MICU2: variants seen among roughly 807,000 people sequenced by gnomAD.
MICU2 encodes mitochondrial calcium uptake 2, also known as calcium uptake protein 2, mitochondrial.
A neutral mutation model predicts 60.4 loss-of-function variants in MICU2; 64 were observed. That is an observed-to-expected ratio of 1.06 (90% confidence interval 0.87 to 1.31). The LOEUF is 1.31. Among genes scored for constraint, MICU2 ranks in the 50% most tolerant of loss-of-function variants. The pLI, the probability that MICU2 is intolerant of heterozygous loss-of-function variation, is 0.00. For missense variants in MICU2, 569 were observed against 531.0 expected, an observed-to-expected ratio of 1.07 and a Z score of -0.70; for synonymous variants, 201 against 175.0, an observed-to-expected ratio of 1.15 and a Z score of -1.17.
chr13:21,549,143 A>G (rs1488090075), intron 2 of MICU2, among the ~76,000 whole-genome samples: 1 of 151,590 alleles, frequency 6.6e-6, no homozygotes, highest in Non-Finnish European at 1.5e-5. Flanking sequence ...GTTAGCCAGG[A>G]TGGTCTTGAT....
At position 21,515,857 on chromosome 13, in the gene MICU2, CT is replaced by C. The variant is rs141178668; in HGVS notation, c.598-1440del. Among the ~76,000 whole-genome samples, 740 of 152,212 alleles carry C rather than the reference CT, an allele frequency of 4.9e-3. 9 individuals carry two copies. Among genetic ancestry groups the C allele is most frequent in the African/African-American group, 0.017 (686 of 41,544 alleles). ...TATTTTTGGGAAAAAAGTTAAAAAG[CT>C]TTATATTTATTTTACCTTTTATTTT... On this transcript the variant is annotated intron_variant, in intron 6 of 11. Coordinates refer to ENST00000382374, the MANE Select transcript of MICU2 (RefSeq NM_152726.3).
At chr13:21,537,063 C>T (rs1461863706) in intron 4 of MICU2, among the ~76,000 whole-genome samples, 1 of 152,158 alleles carries the variant, frequency 6.6e-6, no homozygotes, top group East Asian at 1.9e-4. Context: ...TCTCTCTAGG[C>T]TTTTTTCTAT....
At position 21,503,117 on chromosome 13, in the gene MICU2, A is replaced by T; in HGVS notation, c.762-20T>A. On this transcript the variant is annotated intron_variant, in intron 8 of 11. Coordinates refer to ENST00000382374, the MANE Select transcript of MICU2 (RefSeq NM_152726.3). Reference sequence around the variant, plus strand: ...ATAAATCTGAATGTTAAAATACAAAATTAGTAAGGTAACTAGTGGCATTCA... The same window carrying T: ...ATAAATCTGAATGTTAAAATACAAATTTAGTAAGGTAACTAGTGGCATTCA... The T allele has an allele frequency of 6.4e-7, 1 of 1,557,500 alleles. No homozygotes were observed. Among genetic ancestry groups the T allele is most frequent in the Non-Finnish European group, 8.7e-7 (1 of 1,144,622 alleles).
chr13:21,524,733 C>A (rs919222705), intron 4 of MICU2, among the ~76,000 whole-genome samples: 2 of 152,204 alleles, frequency 1.3e-5, no homozygotes, highest in African/African-American at 4.8e-5. Context: ...TCATGCTAAA[C>A]AGAAACACTG....
At position 21,517,787 on chromosome 13, in the gene MICU2, ACACACACACACACGCG is replaced by A. The variant is rs1053872463; in HGVS notation, c.598-3385_598-3370del. Among the ~76,000 whole-genome samples the A allele has an allele frequency of 2.1e-4, 20 of 95,180 alleles. No homozygotes were observed. In the East Asian group the frequency reaches 4.1e-3, roughly 20 times the overall value. 62.4% of individuals were successfully genotyped at this position (95,180 alleles called of 152,430 possible). ...AGAGCGAGGACACACACACACACAC[ACACACACACACACGCG>A]CGCGCGCGCGCACACGCGCTACATA... On this transcript the variant is annotated intron_variant, in intron 6 of 11. Transcript: ENST00000382374.
chr13:21,493,512 G>A (rs79675170), intron 11 of MICU2, among the ~76,000 whole-genome samples, 159 bp from the exon 12 acceptor site: 7,332 of 152,162 alleles, frequency 0.048, 585 homozygotes, highest in African/African-American at 0.17. Flanking sequence ...ACTGAAAATG[G>A]GGGTAAAAGA....
chr13:21,534,544 T>A (rs1887087043), intron 4 of MICU2, among the ~76,000 whole-genome samples: 1 of 152,120 alleles, frequency 6.6e-6, no homozygotes, highest in Non-Finnish European at 1.5e-5. Flanking sequence ...CAACATAAAT[T>A]ATTGAAAGTT....
chr13:21,539,449 C>A (rs550611729), intron 3 of MICU2, 72 bp from the exon 4 acceptor site: 2 of 1,415,200 alleles, frequency 1.4e-6, no homozygotes, highest in East Asian at 4.7e-5. Flanking sequence ...CAGACGCCCA[C>A]CTCCATAGCC....
chr13:21,596,891 C>T (rs998786069), intron 1 of MICU2, among the ~76,000 whole-genome samples: 1 of 152,026 alleles, frequency 6.6e-6, no homozygotes, highest in Non-Finnish European at 1.5e-5. Context: ...GACTAAAATG[C>T]AAAAATAGTT....
At chr13:21,601,244 C>A (rs936170778) in intron 1 of MICU2, among the ~76,000 whole-genome samples, 2 of 152,228 alleles carry the variant, frequency 1.3e-5, no homozygotes, top group African/African-American at 2.4e-5. Context: ...CAACTATGCA[C>A]ACCTGTCCCT....
chr13:21,526,056 G>C (rs1886847846), intron 4 of MICU2, among the ~76,000 whole-genome samples: 1 of 150,848 alleles, frequency 6.6e-6, no homozygotes. Flanking sequence ...CCACCTCTCA[G>C]CCTCCTGAGT....
intron 7 of MICU2, among the ~76,000 whole-genome samples, chr13:21,513,641 G>T (rs1886487187): frequency 6.8e-6 from 1 of 147,070 alleles, no homozygotes; most frequent in East Asian, 2.1e-4. Context: ...TTGGGAGGCA[G>T]AGGCAGGAGA....
intron 1 of MICU2, among the ~76,000 whole-genome samples, chr13:21,570,567 C>T (rs1413083693): frequency 6.6e-6 from 1 of 152,150 alleles, no homozygotes; most frequent in African/African-American, 2.4e-5. Context: ...CACGAATGCA[C>T]TGTAATAAAA....
intron 1 of MICU2, among the ~76,000 whole-genome samples, chr13:21,589,252 G>A (rs1461380769): frequency 1.3e-5 from 2 of 152,152 alleles, no homozygotes; most frequent in African/African-American, 2.4e-5. Context: ...TTTGGTAAAT[G>A]GAAAGGAATA....
At chr13:21,508,292 A>AT (rs1886343342) in intron 8 of MICU2, among the ~76,000 whole-genome samples, 1 of 151,744 alleles carries the variant, frequency 6.6e-6, no homozygotes, top group South Asian at 2.1e-4. Flanking sequence ...TGCCTGGCTA[A>AT]TTTTTTGTAT....
intron 2 of MICU2, among the ~76,000 whole-genome samples, chr13:21,561,847 G>C (rs551684636): frequency 9.7e-4 from 129 of 132,842 alleles, no homozygotes; most frequent in African/African-American, 3.5e-3. Context: ...ATCTCCTAAT[G>C]CTATCCCTCC....
intron 1 of MICU2, among the ~76,000 whole-genome samples, chr13:21,569,378 A>G (rs4770175): frequency 0.17 from 25,907 of 151,982 alleles, 3,637 homozygotes; most frequent in East Asian, 0.66. Context: ...TCCTTTTCCT[A>G]ATCCTTTCCA....
intron 4 of MICU2, chr13:21,531,117 C>A: frequency 1.1e-6 from 1 of 927,780 alleles, no homozygotes; most frequent in Non-Finnish European, 1.8e-6. Flanking sequence ...TTCCCCCTAC[C>A]TAATTGCCTT....
At chr13:21,501,418 A>T (rs953543003) in intron 9 of MICU2, among the ~76,000 whole-genome samples, 2 of 151,980 alleles carry the variant, frequency 1.3e-5, no homozygotes, top group African/African-American at 2.4e-5. Flanking sequence ...ACCTGCCACC[A>T]TGCCTGGCTA....
Sources: gnomAD v4.1 joint callset for allele counts (sites outside exome capture counted in the v4.1 genomes callset) on GRCh38, gnomAD v4.1.1 for gene constraint, MANE v1.5 for transcripts, NCBI Gene and HGNC (gene_info 2026-07-23, HGNC 2026-07-21) for gene names.